Variants in CSNK2A2 observed in about 807,000 individuals in gnomAD.
The protein encoded by CSNK2A2 is casein kinase II subunit alpha'.
A neutral mutation model predicts 54.0 loss-of-function variants in CSNK2A2; 8 were observed. That is an observed-to-expected ratio of 0.15 (90% CI 0.09 to 0.27). The LOEUF (loss-of-function observed/expected upper bound fraction) is 0.27, where lower values mean the gene tolerates loss of function less well. Among genes scored for constraint, CSNK2A2 ranks in the 10% least tolerant of loss-of-function variants. The pLI, the probability that CSNK2A2 is intolerant of heterozygous loss-of-function variation, is 1.00. For missense variants in CSNK2A2, 242 were observed against 439.4 expected (o/e 0.55, Z 4.02); for synonymous variants, 141 against 153.9 (o/e 0.92, Z 0.62).
At chr16:58,164,190 G>A (rs758642817) in intron 10 of CSNK2A2, 43 bp from the exon 11 acceptor site, 4 of 1,588,198 alleles carry the variant, frequency 2.5e-6, no homozygotes, top group Non-Finnish European at 2.6e-6. Flanking sequence ...AGGGTGGTGA[G>A]TGCTGAGAGA....
rs1962496543 is a variant in CSNK2A2, at chr16:58,197,536, C to G, written c.104+97G>C. ...CCTCCCTGCGGGCCCGCGGAGGGGTCGGCGGGAGACACCACCGGGCCCGAG... is the reference window on the plus strand; with the variant it reads ...CCTCCCTGCGGGCCCGCGGAGGGGTGGGCGGGAGACACCACCGGGCCCGAG... On this transcript the variant is annotated intron_variant, in intron 1 of 11. Transcript: ENST00000262506. This position sits in a 1 kb window ranked among gnomAD's most constrained non-coding sequence, Gnocchi z 4.0. 5.9e-6 allele frequency: 4 copies of G among 675,238 alleles called. No individual in the cohort carries two copies. Among genetic ancestry groups the G allele is most frequent in the Non-Finnish European group, 9.2e-6 (4 of 433,398 alleles). 41.8% of individuals were successfully genotyped at this position (675,238 alleles called of 1,614,324 possible).
chr16:58,177,261 A>C (rs1174370832), intron 4 of CSNK2A2, among the ~76,000 whole-genome samples: 5 of 152,270 alleles, frequency 3.3e-5, no homozygotes, highest in African/African-American at 1.2e-4. Context: ...ATGACACATT[A>C]GAAAGAGAAA....
intron 2 of CSNK2A2, among the ~76,000 whole-genome samples, chr16:58,195,531 A>C (rs2550365): frequency 0.31 from 47,704 of 152,022 alleles, 7,922 homozygotes; most frequent in African/African-American, 0.42. Context: ...AAGGGCCACA[A>C]TGGAAATCAC....
intron 3 of CSNK2A2, among the ~76,000 whole-genome samples, chr16:58,184,938 A>C (rs1048816612): frequency 6.6e-6 from 1 of 152,226 alleles, no homozygotes; most frequent in African/African-American, 2.4e-5. Flanking sequence ...AGATTGTCTC[A>C]TCTTATCAAG....
chr16:58,177,435 CA>C (rs1201695137), intron 4 of CSNK2A2, among the ~76,000 whole-genome samples: 2 of 152,120 alleles, frequency 1.3e-5, no homozygotes, highest in Non-Finnish European at 2.9e-5. Context: ...TAATTAGCTC[CA>C]AAAAGTCTGA....
At chr16:58,178,868 C>A (rs1484002900) in intron 4 of CSNK2A2, among the ~76,000 whole-genome samples, 1 of 152,112 alleles carries the variant, frequency 6.6e-6, no homozygotes, top group Non-Finnish European at 1.5e-5. Context: ...ACAAAGCAAC[C>A]ATCAACAAAT....
In CSNK2A2 at chr16:58,195,392, G is replaced by C. The variant is rs185050221; in HGVS notation, c.216+1341C>G. On this transcript the variant is annotated intron_variant, in intron 2 of 11. Transcript: ENST00000262506. ...AGTGATGGAGTTAATCATTTTTTCT[G>C]AAAGATGATTACCAGAAAGCATAAG... is the stretch of plus-strand genomic sequence containing the variant. Among the ~76,000 whole-genome samples, 9 of 152,098 alleles carry C rather than the reference G, an allele frequency of 5.9e-5. No individual in the cohort carries two copies. The East Asian group carries it at 1.7e-3, about 29-fold the overall frequency.
At chr16:58,177,126 G>A (rs1389082404) in intron 4 of CSNK2A2, among the ~76,000 whole-genome samples, 1 of 152,164 alleles carries the variant, frequency 6.6e-6, no homozygotes, top group East Asian at 1.9e-4. Context: ...CAGCCGAAAA[G>A]CAAGTGCTTC....
intron 6 of CSNK2A2, 72 bp downstream of exon 6, chr16:58,168,538 T>G (rs966065308): frequency 2.2e-5 from 28 of 1,272,382 alleles, no homozygotes; most frequent in African/African-American, 4.4e-5. Context: ...GAAACCATCA[T>G]GGCACTGGAC....
At chr16:58,178,438 T>G (rs951735523) in intron 4 of CSNK2A2, among the ~76,000 whole-genome samples, 3 of 151,846 alleles carry the variant, frequency 2.0e-5, no homozygotes, top group Non-Finnish European at 4.4e-5. Context: ...GCGTGCACCA[T>G]AGCCCGCCGA....
intron 6 of CSNK2A2, 126 bp downstream of exon 6, chr16:58,168,484 T>C (rs1961634924): frequency 1.5e-6 from 1 of 646,720 alleles, no homozygotes. Flanking sequence ...ATGGGAGAAA[T>C]CACAGTAACG....
At chr16:58,191,851 T>G (rs1962328916) in intron 2 of CSNK2A2, among the ~76,000 whole-genome samples, 1 of 152,196 alleles carries the variant, frequency 6.6e-6, no homozygotes, top group Non-Finnish European at 1.5e-5. Context: ...GGCACTGTTT[T>G]AAGCACATTT....
At chr16:58,176,531 C>T (rs1248296280) in intron 4 of CSNK2A2, among the ~76,000 whole-genome samples, 4 of 152,178 alleles carry the variant, frequency 2.6e-5, no homozygotes, top group African/African-American at 9.7e-5. Context: ...ATTTAACCGC[C>T]TGGGCCCAAA....
intron 2 of CSNK2A2, among the ~76,000 whole-genome samples, chr16:58,190,099 G>C (rs978170115): frequency 6.6e-6 from 1 of 152,054 alleles, no homozygotes; most frequent in African/African-American, 2.4e-5. Context: ...TTTCCACAAC[G>C]ATCTCACAGT....
intron 4 of CSNK2A2, among the ~76,000 whole-genome samples, chr16:58,178,800 C>A (rs1213564288): frequency 6.6e-6 from 1 of 152,062 alleles, no homozygotes; most frequent in Non-Finnish European, 1.5e-5. Context: ...AATTAGTAGG[C>A]CATAATTCTG....
At chr16:58,190,308 CA>C (rs1418820692) in intron 2 of CSNK2A2, among the ~76,000 whole-genome samples, 1 of 152,022 alleles carries the variant, frequency 6.6e-6, no homozygotes, top group Non-Finnish European at 1.5e-5. Context: ...CAGGCAGGAA[CA>C]TATCTACAGC....
chr16:58,167,754 A>G lies in CSNK2A2; in HGVS notation c.555T>C (p.Pro185=). 1 of 1,614,194 alleles carries G rather than the reference A, an allele frequency of 6.2e-7. No homozygotes were observed. Among genetic ancestry groups the G allele is most frequent in the Non-Finnish European group, 8.5e-7 (1 of 1,179,998 alleles). The change falls in exon 7 of 12, where the codon CCT becomes CCC. Residue 185 remains proline (P), a synonymous_variant. Coordinates refer to ENST00000262506, the MANE Select transcript of CSNK2A2 (RefSeq NM_001896.4). ...CTACACGAACATTGTACTCCTGAGC[A>G]GGATGATAGAATTCTGCCAGACCCC... ...IDWGLAEFYH[P]AQEYNVRVAS...
intron 4 of CSNK2A2, among the ~76,000 whole-genome samples, chr16:58,175,463 G>A (rs1348657665): frequency 6.6e-6 from 1 of 152,072 alleles, no homozygotes; most frequent in Non-Finnish European, 1.5e-5. Context: ...TCTCTCCAGG[G>A]AACACAGAAC....
chr16:58,167,126 A>G, intron 8 of CSNK2A2, 81 bp downstream of exon 8: 4 of 868,662 alleles, frequency 4.6e-6, no homozygotes, highest in Admixed American at 2.5e-5. Context: ...TTAGTGGCTC[A>G]AGGATAGTAT....
Sources: gnomAD v4.1 joint callset for allele counts (sites outside exome capture counted in the v4.1 genomes callset) on GRCh38, gnomAD v4.1.1 for gene constraint, Gnocchi (gnomAD v3.1) non-coding constraint, MANE v1.5 for transcripts, NCBI Gene and HGNC (gene_info 2026-07-23, HGNC 2026-07-21) for gene names.